The following PAQR5 variants were observed in gnomAD, a reference collection of about 807,000 sequenced individuals.
The protein encoded by PAQR5 is progestin and adipoQ receptor family member 5.
A neutral mutation model predicts 34.5 loss-of-function variants in PAQR5; 20 were observed. That is an observed-to-expected ratio of 0.58 (90% CI 0.41 to 0.84). PAQR5 has a LOEUF of 0.84. PAQR5 is among the 40% of genes least tolerant of loss of function. The pLI, the probability that PAQR5 is intolerant of heterozygous loss-of-function variation, is 0.00. For missense variants in PAQR5, 378 were observed against 412.7 expected (o/e 0.92, Z 0.73); for synonymous variants, 131 against 155.6 (o/e 0.84, Z 1.18).
At chr15:69,306,454 C>A (rs1335767926) in intron 1 of PAQR5, among the ~76,000 whole-genome samples, 1 of 149,318 alleles carries the variant, frequency 6.7e-6, no homozygotes, top group Non-Finnish European at 1.5e-5. Flanking sequence ...ATCTGTTGCC[C>A]AGGCTGGAGT....
At position 69,322,746 on chromosome 15, in the gene PAQR5, GAAGAA is replaced by G. The variant is rs1566997740; in HGVS notation, c.-276-14594_-276-14590del. Among the ~76,000 whole-genome samples the G allele has an allele frequency of 1.8e-3, 71 of 39,472 alleles. 13 individuals are homozygous for G. The highest frequency in any genetic ancestry group is 3.5e-3 in the African/African-American group (44 of 12,472). 25.9% of individuals were successfully genotyped at this position (39,472 alleles called of 152,430 possible). ...AGAAGAAGAAGAAGAAGAAGAAGAA[GAAGAA>G]GAAGAAGAAGAAGAAGAAGAGGGAG... On this transcript the variant is annotated intron_variant, in intron 1 of 8. Transcript: ENST00000395407.
At chr15:69,397,401 T>C in intron 6 of PAQR5, 67 bp from the exon 7 acceptor site, 3 of 1,012,374 alleles carry the variant, frequency 3.0e-6, no homozygotes, top group Non-Finnish European at 4.8e-6. Context: ...TGTGCATGCA[T>C]GTGCGTATGC....
chr15:69,380,533 C>T (rs1252941332), intron 4 of PAQR5, among the ~76,000 whole-genome samples: 3 of 152,144 alleles, frequency 2.0e-5, no homozygotes, highest in Non-Finnish European at 4.4e-5. Flanking sequence ...AACTGGGAGG[C>T]ACTTGGTCAG....
chr15:69,360,972 C>T (rs2055216377), intron 3 of PAQR5, among the ~76,000 whole-genome samples: 1 of 152,154 alleles, frequency 6.6e-6, no homozygotes, highest in South Asian at 2.1e-4. Flanking sequence ...AATTGCCAAA[C>T]CCTAACCCTA....
In PAQR5 at chr15:69,360,089, C is replaced by A; in HGVS notation, c.9C>A (p.Ser3Arg). The change falls in exon 3 of 9, where the codon AGC becomes AGA. Residue 3 changes from serine to arginine, a missense_variant. Coordinates refer to ENST00000395407, the MANE Select transcript of PAQR5 (RefSeq NM_017705.4). Reference sequence around the variant, plus strand: ...GCCAATCCAGCTCCAAGATGCTGAGCCTGAAGCTCCCCAGGCTGTTTAGCA... The same window carrying A: ...GCCAATCCAGCTCCAAGATGCTGAGACTGAAGCTCCCCAGGCTGTTTAGCA... The part of the protein sequence containing the change: ML[S>R]LKLPRLFSID... The A allele has an allele frequency of 1.2e-6, 2 of 1,613,744 alleles. No homozygotes were observed. The highest frequency in any genetic ancestry group is 1.7e-6 in the Non-Finnish European group (2 of 1,179,672).
rs891671825 is a variant in PAQR5, at chr15:69,359,652, A to G, written c.-115-314A>G. On this transcript the variant is annotated intron_variant, in intron 2 of 8. Coordinates refer to ENST00000395407, the MANE Select transcript of PAQR5 (RefSeq NM_017705.4). ...GGGTCAATCTTTAACTACCAGGCCC[A>G]GGGTGTGGTGCCGGCTGTCTGCTTG... is the stretch of plus-strand genomic sequence containing the variant. Among the ~76,000 whole-genome samples, 3 of 152,102 alleles carry G rather than the reference A, an allele frequency of 2.0e-5. No individual in the cohort carries two copies. The East Asian group carries it at 5.8e-4, about 29-fold the overall frequency.
Position 69,397,544 on chromosome 15 carries a change from T to G in PAQR5, c.589T>G (p.Ser197Ala). The G allele has an allele frequency of 3.7e-6, 6 of 1,609,286 alleles. No homozygotes were observed. The highest frequency in any genetic ancestry group is 5.1e-6 in the Non-Finnish European group (6 of 1,175,540). Reference protein sequence around the residue: ...LAFAYPYTWDSLPIFYRLFLF... With the variant: ...LAFAYPYTWDALPIFYRLFLF... Reference sequence around the variant, plus strand: ...CTTTGCTTATCCGTACACCTGGGACTCCCTCCCCATCTTCTACAGGGTAAG... The same window carrying G: ...CTTTGCTTATCCGTACACCTGGGACGCCCTCCCCATCTTCTACAGGGTAAG... The change falls in exon 7 of 9, where the codon TCC becomes GCC. Residue 197 changes from serine to alanine, a missense_variant. Physicochemically the swap from Ser to Ala is moderately conservative, Grantham distance 99. Coordinates refer to ENST00000395407, the MANE Select transcript of PAQR5 (RefSeq NM_017705.4).
intron 3 of PAQR5, among the ~76,000 whole-genome samples, chr15:69,376,945 GCC>G (rs1172114213): frequency 1.3e-5 from 2 of 152,130 alleles, no homozygotes; most frequent in African/African-American, 4.8e-5. Flanking sequence ...CTTCTGTCCA[GCC>G]ACTGCCACTG....
intron 2 of PAQR5, among the ~76,000 whole-genome samples, chr15:69,339,125 A>G (rs539503930): frequency 4.0e-4 from 58 of 145,256 alleles, no homozygotes; most frequent in African/African-American, 1.2e-3. Flanking sequence ...TCGACTCCCT[A>G]TGATTTCATC....
rs375879939 is a variant in PAQR5 at position 69,360,107 on chromosome 15, G to T, written c.27G>T (p.Leu9=). 15 of 1,613,652 alleles carry T rather than the reference G, an allele frequency of 9.3e-6. No homozygotes were observed. Among genetic ancestry groups the T allele is most frequent in the Admixed American group, 5.0e-5 (3 of 60,000 alleles). Residue 9 remains leucine, a synonymous_variant, in exon 3 of 9, where the codon CTG becomes CTT. Transcript: ENST00000395407. ...TGCTGAGCCTGAAGCTCCCCAGGCT[G>T]TTTAGCATAGACCAGATACCCCAGG... MLSLKLPR[L]FSIDQIPQVF...
intron 3 of PAQR5, among the ~76,000 whole-genome samples, chr15:69,372,561 C>T (rs556951659): frequency 1.3e-5 from 2 of 152,222 alleles, no homozygotes; most frequent in African/African-American, 4.8e-5. Context: ...CAAAACAAAA[C>T]AAAAAGCATT....
At chr15:69,308,613 C>T (rs2053766820) in intron 1 of PAQR5, among the ~76,000 whole-genome samples, 1 of 152,094 alleles carries the variant, frequency 6.6e-6, no homozygotes. Flanking sequence ...CACTGGGGAG[C>T]AAAACCATCC....
In PAQR5 at chr15:69,403,755, A is replaced by T. The variant is rs1308415238; in HGVS notation, c.926A>T (p.Asn309Ile). 1.9e-6 allele frequency: 3 copies of T among 1,614,130 alleles called. No homozygotes were observed. Among genetic ancestry groups the T allele is most frequent in the Non-Finnish European group, 2.5e-6 (3 of 1,179,968 alleles). Residue 309 changes from asparagine to isoleucine, a missense_variant, in exon 9 of 9, where the codon AAC (asparagine) becomes ATC (isoleucine). Coordinates refer to ENST00000395407, the MANE Select transcript of PAQR5 (RefSeq NM_017705.4). ...ILLCIIFSLS[N>I]IIYFSAALYR... ...CTGTGCATCATCTTCAGCCTCAGCAACATAATTTATTTCTCAGCTGCTCTG... is the reference window on the plus strand; with the variant it reads ...CTGTGCATCATCTTCAGCCTCAGCATCATAATTTATTTCTCAGCTGCTCTG...
intron 3 of PAQR5, among the ~76,000 whole-genome samples, chr15:69,364,465 T>TAC (rs2055329207): frequency 2.0e-5 from 3 of 147,976 alleles, no homozygotes; most frequent in African/African-American, 7.4e-5. Context: ...ACATGTAATA[T>TAC]ATATTATATA....
chr15:69,317,459 C>G (rs201146276), intron 1 of PAQR5, among the ~76,000 whole-genome samples: 11 of 152,322 alleles, frequency 7.2e-5, no homozygotes, highest in East Asian at 3.9e-4. Context: ...GGTCCACCCC[C>G]CTACCCAGGT....
intron 3 of PAQR5, among the ~76,000 whole-genome samples, chr15:69,371,495 A>G (rs548382161): frequency 6.6e-6 from 1 of 152,176 alleles, no homozygotes; most frequent in Non-Finnish European, 1.5e-5. Context: ...TTTTATTAAG[A>G]AAAGTATATT....
At position 69,300,625 on chromosome 15, in the gene PAQR5, CTT is replaced by C. The variant is rs1233987543; in HGVS notation, c.-277+1571_-277+1572del. Among the ~76,000 whole-genome samples, 14 of 50,012 alleles carry C rather than the reference CTT, an allele frequency of 2.8e-4. 1 individual carries two copies. The highest frequency in any genetic ancestry group is 6.4e-4 in the African/African-American group (10 of 15,524). 32.8% of individuals were successfully genotyped at this position (50,012 alleles called of 152,430 possible). A position where few individuals can be genotyped will look rare whatever the true frequency, so the allele number is the denominator to read the frequency against. ...TCTTTCTTTCTTTCTTTCTTTCTTTCTTTCTTTCTTTCTTTCTTTCTTTCTTT... is the reference window on the plus strand; with the variant it reads ...TCTTTCTTTCTTTCTTTCTTTCTTTCTCTTTCTTTCTTTCTTTCTTTCTTT... On this transcript the variant is annotated intron_variant, in intron 1 of 8. Transcript: ENST00000395407.
rs150464472 is a variant in PAQR5 at position 69,301,925 on chromosome 15, G to A, written c.-277+2869G>A. ...ACAGTGTTAGGAGTCAAGAATGGTG[G>A]CAGGAAACTGGGCAGGGCCATGCGT... On this transcript the variant is annotated intron_variant, in intron 1 of 8. Coordinates refer to ENST00000395407, the MANE Select transcript of PAQR5 (RefSeq NM_017705.4). Among the ~76,000 whole-genome samples, 81 of 137,402 alleles carry A rather than the reference G, an allele frequency of 5.9e-4. 1 individual carries two copies. Among genetic ancestry groups the A allele is most frequent in the Admixed American group, 4.0e-3 (53 of 13,092 alleles). The allele number at this position is 137,402 out of a possible 152,430, so 90.1% of individuals were successfully genotyped here.
At chr15:69,344,407 A>G (rs1347139574) in intron 2 of PAQR5, among the ~76,000 whole-genome samples, 3 of 152,206 alleles carry the variant, frequency 2.0e-5, no homozygotes, top group Non-Finnish European at 2.9e-5. Flanking sequence ...TCACTCTGCT[A>G]ATTAGCAAGC....
Sources: allele counts gnomAD v4.1 joint callset (sites outside exome capture counted in the v4.1 genomes callset), GRCh38; gene constraint gnomAD v4.1.1; transcripts MANE v1.5; gene names NCBI Gene and HGNC (gene_info 2026-07-23, HGNC 2026-07-21).